The following CLIC4 variants were observed in gnomAD, a reference collection of about 807,000 sequenced individuals.
CLIC4 encodes chloride intracellular channel protein 4.
A neutral mutation model predicts 24.6 loss-of-function variants in CLIC4; 13 were observed. That is an observed-to-expected ratio of 0.53 (90% CI 0.34 to 0.84). The LOEUF is 0.84. Among genes scored for constraint, CLIC4 ranks in the 40% least tolerant of loss-of-function variants. The probability of loss-of-function intolerance (pLI) is 0.01; values close to 1 mark genes in which losing one functional copy is unlikely to be tolerated. For missense variants in CLIC4, 227 were observed against 301.7 expected, an observed-to-expected ratio of 0.75 and a Z score of 1.83; for synonymous variants, 104 against 111.3, an observed-to-expected ratio of 0.93 and a Z score of 0.41.
chr1:24,766,493 T>A (rs1299323216), intron 1 of CLIC4, among the ~76,000 whole-genome samples: 1 of 69,126 alleles, frequency 1.4e-5, no homozygotes, highest in Non-Finnish European at 2.8e-5. Context: ...TTTTTTTTTT[T>A]TTTTTTTTTT....
intron 2 of CLIC4, among the ~76,000 whole-genome samples, chr1:24,803,480 A>G (rs780874944): frequency 6.6e-6 from 1 of 152,226 alleles, no homozygotes; most frequent in African/African-American, 2.4e-5. Flanking sequence ...ATTAATGACT[A>G]TGCTGGTAGT....
At chr1:24,746,744 C>A (rs945469167) in intron 1 of CLIC4, among the ~76,000 whole-genome samples, 1 of 152,192 alleles carries the variant, frequency 6.6e-6, no homozygotes, top group South Asian at 2.1e-4. Flanking sequence ...CGCGGTGGCT[C>A]ATGCCTGTAA....
chr1:24,770,938 A>T (rs900630890), intron 1 of CLIC4, among the ~76,000 whole-genome samples: 1 of 152,174 alleles, frequency 6.6e-6, no homozygotes, highest in African/African-American at 2.4e-5. Context: ...GAGAGATTGT[A>T]ATAGAACGGA....
chr1:24,775,031 A>G (rs1337651190), intron 1 of CLIC4, among the ~76,000 whole-genome samples: 1 of 151,512 alleles, frequency 6.6e-6, no homozygotes, highest in Non-Finnish European at 1.5e-5. Context: ...AGATCACACC[A>G]CTGTATTCCA....
At chr1:24,778,578 G>A (rs1292643021) in intron 1 of CLIC4, among the ~76,000 whole-genome samples, 1 of 151,904 alleles carries the variant, frequency 6.6e-6, no homozygotes, top group Admixed American at 6.6e-5. Flanking sequence ...CACCACTAAA[G>A]AATATGTCTT....
intron 1 of CLIC4, among the ~76,000 whole-genome samples, chr1:24,762,751 AC>A (rs1307390461): frequency 5.3e-4 from 80 of 152,306 alleles, no homozygotes; most frequent in Non-Finnish European, 2.9e-5. Context: ...AAGTCATAAT[AC>A]AGCGGGTAGA....
chr1:24,819,751 C>CTT (rs1458974522), intron 3 of CLIC4, among the ~76,000 whole-genome samples: 2 of 124,940 alleles, frequency 1.6e-5, no homozygotes, highest in African/African-American at 6.0e-5. Context: ...AACTTTTTTT[C>CTT]TTTTTTTTTT....
At chr1:24,797,647 G>T in intron 1 of CLIC4, 95 bp from the exon 2 acceptor site, 1 of 787,682 alleles carries the variant, frequency 1.3e-6, no homozygotes, top group Non-Finnish European at 2.0e-6. Context: ...ACTTTTCCTG[G>T]CTTCTTGTAC....
At chr1:24,772,281 A>G (rs1397391456) in intron 1 of CLIC4, among the ~76,000 whole-genome samples, 1 of 152,070 alleles carries the variant, frequency 6.6e-6, no homozygotes, top group Non-Finnish European at 1.5e-5. Flanking sequence ...AGTCAAATTT[A>G]TAGAATTTTC....
intron 1 of CLIC4, among the ~76,000 whole-genome samples, chr1:24,788,363 C>G (rs1298068018): frequency 6.6e-6 from 1 of 152,190 alleles, no homozygotes; most frequent in Non-Finnish European, 1.5e-5. Context: ...CACTCCTCTT[C>G]CCCATCCTCA....
chr1:24,795,378 C>T (rs1228094716), intron 1 of CLIC4, among the ~76,000 whole-genome samples: 1 of 151,606 alleles, frequency 6.6e-6, no homozygotes, highest in Non-Finnish European at 1.5e-5. Context: ...GGATATGGGC[C>T]GGGTATGGTG....
chr1:24,786,779 G>A (rs1305527493), intron 1 of CLIC4, among the ~76,000 whole-genome samples: 4 of 151,718 alleles, frequency 2.6e-5, no homozygotes, highest in Non-Finnish European at 5.9e-5. Context: ...CACCACACCC[G>A]GCTAATTTTT....
intron 1 of CLIC4, among the ~76,000 whole-genome samples, chr1:24,751,771 G>C (rs991379712): frequency 2.0e-4 from 31 of 152,358 alleles, no homozygotes; most frequent in African/African-American, 7.2e-4. Flanking sequence ...GTCTGAGGCA[G>C]GAGAATCACT....
chr1:24,815,824 T>G (rs1485140943), intron 3 of CLIC4, among the ~76,000 whole-genome samples: 1 of 152,220 alleles, frequency 6.6e-6, no homozygotes, highest in Non-Finnish European at 1.5e-5. Context: ...TGATAGTGTT[T>G]TTACCCACAG....
intron 4 of CLIC4, among the ~76,000 whole-genome samples, chr1:24,829,530 G>C (rs376630913): frequency 6.6e-5 from 10 of 152,128 alleles, no homozygotes; most frequent in East Asian, 3.8e-4. Context: ...CCTGTCCCCA[G>C]ATCTCCTACT....
At chr1:24,757,736 G>T (rs1034511633) in intron 1 of CLIC4, among the ~76,000 whole-genome samples, 5 of 152,108 alleles carry the variant, frequency 3.3e-5, no homozygotes, top group African/African-American at 9.7e-5. Context: ...AGACTGAAAT[G>T]AATTTTTTTC....
chr1:24,799,570 C>T (rs952443025), intron 2 of CLIC4, among the ~76,000 whole-genome samples: 1 of 150,038 alleles, frequency 6.7e-6, no homozygotes, highest in African/African-American at 2.5e-5. Context: ...CGTCTCCGCC[C>T]GGCCAGCCGC....
chr1:24,745,731 C>G, intron 1 of CLIC4, 106 bp downstream of exon 1: 1 of 866,242 alleles, frequency 1.2e-6, no homozygotes. Context: ...TCGGCGCCAG[C>G]ACCCGTCCCG....
At chr1:24,758,024 G>A (rs1419434614) in intron 1 of CLIC4, among the ~76,000 whole-genome samples, 1 of 152,116 alleles carries the variant, frequency 6.6e-6, no homozygotes, top group African/African-American at 2.4e-5. Context: ...CTCTCAAAGT[G>A]CTGTGATTAC....
Sources: allele counts gnomAD v4.1 joint callset (sites outside exome capture counted in the v4.1 genomes callset), GRCh38; gene constraint gnomAD v4.1.1; transcripts MANE v1.5; gene names NCBI Gene and HGNC (gene_info 2026-07-23, HGNC 2026-07-21).